Variants in TIAM1 observed in about 807,000 individuals in gnomAD.
TIAM1 encodes rho guanine nucleotide exchange factor TIAM1.
Under a neutral mutation model 163.5 loss-of-function variants are expected in TIAM1, and 65 were observed. The observed-to-expected ratio is 0.40, with a 90% CI of 0.33 to 0.49. The LOEUF (loss-of-function observed/expected upper bound fraction) is 0.49. Among genes scored for constraint, TIAM1 ranks in the 20% least tolerant of loss-of-function variants. The probability of loss-of-function intolerance (pLI) is 0.77; values close to 1 mark genes in which losing one functional copy is unlikely to be tolerated. For missense variants in TIAM1, 1,789 were observed against 2,044.7 expected (o/e 0.87, Z 2.41); for synonymous variants, 833 against 810.1 (o/e 1.03, Z -0.48).
intron 2 of TIAM1, among the ~76,000 whole-genome samples, chr21:31,279,159 C>G (rs928026874): frequency 1.6e-4 from 25 of 151,870 alleles, no homozygotes; most frequent in South Asian, 8.3e-4. Context: ...AAAAACTATA[C>G]AGAGAGAAAG....
In TIAM1 at chr21:31,475,025, T is replaced by TTTTTTATTATTATTATTA. The variant is rs1285962494; in HGVS notation, c.-421-10991_-421-10990insTAATAATAATAATAAAAA. Among the ~76,000 whole-genome samples the TTTTTTATTATTATTATTA allele has an allele frequency of 5.9e-5, 7 of 118,714 alleles. No individual in the cohort carries two copies. In the East Asian group the frequency reaches 6.5e-4, roughly 11 times the overall value. The allele number at this position is 118,714 out of a possible 152,430, so 77.9% of individuals were successfully genotyped here. Reference sequence around the variant, plus strand: ...CATATAAGTTGCTGTGAGCTAGTTTTTTATTATTATTATTATTATTATTAT... The same window carrying TTTTTTATTATTATTATTA: ...CATATAAGTTGCTGTGAGCTAGTTTTTTTTTATTATTATTATTATTATTATTATTATTATTATTATTAT... On this transcript the variant is annotated intron_variant, in intron 1 of 28. Transcript: ENST00000286827.
In TIAM1 at chr21:31,225,955, A is replaced by G; in HGVS notation, c.1585-5T>C. On this transcript the variant is annotated splice_polypyrimidine_tract_variant and splice_region_variant and intron_variant, in intron 6 of 27. Transcript: ENST00000541036. The stretch of plus-strand genomic sequence containing the variant: ...AAGCTCCGTCTGGCTAGTGGTCTGT[A>G]CCAGGAAGAAGGGGCAGGAAGAAAA... The G allele has an allele frequency of 1.9e-6, 3 of 1,611,840 alleles. No homozygotes were observed. The highest frequency in any genetic ancestry group is 2.5e-6 in the Non-Finnish European group (3 of 1,178,370).
At chr21:31,210,680 AAAGAAAAAGAAAGAAAGAAAG>A (rs1452008756) in intron 10 of TIAM1, among the ~76,000 whole-genome samples, 9 of 91,094 alleles carry the variant, frequency 9.9e-5, no homozygotes, top group South Asian at 3.9e-4. Flanking sequence ...AGAAAGAAAG[AAAGAAAAAGAAAGAAAGAAAG>A]AAAGAGAAAG....
At chr21:31,135,912 A>C (rs1178693278) in intron 23 of TIAM1, 21 bp downstream of exon 23, 4 of 1,609,134 alleles carry the variant, frequency 2.5e-6, no homozygotes, top group Non-Finnish European at 3.4e-6. Flanking sequence ...CCCCTCCATA[A>C]AACGCTTTTC....
chr21:31,329,083 C>G (rs2075590630), intron 2 of TIAM1, among the ~76,000 whole-genome samples: 2 of 152,174 alleles, frequency 1.3e-5, no homozygotes, highest in Non-Finnish European at 2.9e-5. Context: ...AATGCTATGC[C>G]ATTTTCCAAA....
chr21:31,523,834 C>T (rs1283908606), intron 1 of TIAM1, among the ~76,000 whole-genome samples: 2 of 151,594 alleles, frequency 1.3e-5, no homozygotes, highest in Non-Finnish European at 2.9e-5. Flanking sequence ...ACAAGAATCA[C>T]TTGAACCCGG....
chr21:31,274,290 A>G (rs1355040946), intron 3 of TIAM1, among the ~76,000 whole-genome samples: 3 of 152,184 alleles, frequency 2.0e-5, no homozygotes, highest in African/African-American at 7.2e-5. Flanking sequence ...CCCAAGATAC[A>G]GCACGTACCT....
intron 12 of TIAM1, among the ~76,000 whole-genome samples, chr21:31,202,242 T>C (rs1475559478): frequency 6.6e-6 from 1 of 152,048 alleles, no homozygotes; most frequent in East Asian, 1.9e-4. Flanking sequence ...CCAGCTGATT[T>C]TTAAGTCACC....
intron 2 of TIAM1, among the ~76,000 whole-genome samples, chr21:31,427,739 C>T (rs986060498): frequency 6.6e-6 from 1 of 151,874 alleles, no homozygotes; most frequent in African/African-American, 2.4e-5. Flanking sequence ...GAGGCTGAGG[C>T]GGGAGGATTG....
chr21:31,245,609 T>C lies in TIAM1; in HGVS notation c.1463A>G (p.Asn488Ser). ...ESDGRSGIDH[N>S]SIPKHAVWVE... Reference sequence around the variant, plus strand: ...CCAGACGGCGTGTTTGGGGATGCTGTTGTGGTCTATCCCAGACCTGCCGTC... The same window carrying C: ...CCAGACGGCGTGTTTGGGGATGCTGCTGTGGTCTATCCCAGACCTGCCGTC... The change falls in exon 6 of 28, where the codon AAC becomes AGC. Residue 488 changes from asparagine to serine, a missense_variant. By Grantham distance (46) the Asn-to-Ser change is conservative. Coordinates refer to ENST00000541036, the MANE Select transcript of TIAM1 (RefSeq NM_001353694.2). 6.2e-7 allele frequency: 1 copy of C among 1,605,962 alleles called. No individual in the cohort carries two copies.
intron 1 of TIAM1, among the ~76,000 whole-genome samples, chr21:31,518,921 C>CAAAT (rs2047472970): frequency 6.6e-6 from 1 of 152,154 alleles, no homozygotes; most frequent in Non-Finnish European, 1.5e-5. Context: ...AAATAAAAGA[C>CAAAT]AAATGGCTCA....
At chr21:31,250,022 T>C (rs2071705342) in intron 5 of TIAM1, among the ~76,000 whole-genome samples, 1 of 151,922 alleles carries the variant, frequency 6.6e-6, no homozygotes. Flanking sequence ...GGCACATGCC[T>C]GTAGTCCCAG....
intron 1 of TIAM1, among the ~76,000 whole-genome samples, chr21:31,555,761 G>A (rs545615499): frequency 6.4e-4 from 98 of 152,288 alleles, no homozygotes; most frequent in Non-Finnish European, 1.1e-3. Flanking sequence ...CTCACAAAAC[G>A]TGTTTCTCCT....
At chr21:31,154,543 C>T (rs1247289505) in intron 16 of TIAM1, 117 bp from the exon 17 acceptor site, 6 of 1,061,514 alleles carry the variant, frequency 5.7e-6, no homozygotes, top group East Asian at 4.9e-5. Flanking sequence ...ATATGAATGT[C>T]GTCTTGTGTT....
intron 22 of TIAM1, among the ~76,000 whole-genome samples, chr21:31,137,051 TA>T (rs1302129648): frequency 1.3e-5 from 2 of 152,262 alleles, no homozygotes; most frequent in East Asian, 3.8e-4. Context: ...CAGAGCCATC[TA>T]GACACGATGA....
intron 1 of TIAM1, among the ~76,000 whole-genome samples, chr21:31,546,348 G>A (rs529605241): frequency 3.3e-5 from 5 of 152,036 alleles, no homozygotes; most frequent in African/African-American, 9.6e-5. Context: ...TCAGGAGTTC[G>A]AGACCAGCCT....
At chr21:31,189,235 G>C (rs933002986) in intron 13 of TIAM1, among the ~76,000 whole-genome samples, 32 of 150,894 alleles carry the variant, frequency 2.1e-4, no homozygotes, top group Admixed American at 1.9e-3. Flanking sequence ...TTCTAATTTT[G>C]GTAGAGATGG....
chr21:31,511,099 C>T (rs570210039), intron 1 of TIAM1, among the ~76,000 whole-genome samples: 1 of 152,340 alleles, frequency 6.6e-6, no homozygotes, highest in South Asian at 2.1e-4. Context: ...GGATTCTACA[C>T]AGCATCACAG....
chr21:31,243,097 C>T (rs2146708621), intron 6 of TIAM1, among the ~76,000 whole-genome samples: 1 of 147,196 alleles, frequency 6.8e-6, no homozygotes, highest in Non-Finnish European at 1.5e-5. Flanking sequence ...GAGGCTGAGG[C>T]AGGAGAATTG....
Sources: allele counts gnomAD v4.1 joint callset (sites outside exome capture counted in the v4.1 genomes callset), GRCh38; gene constraint gnomAD v4.1.1; transcripts MANE v1.5; gene names NCBI Gene and HGNC (gene_info 2026-07-23, HGNC 2026-07-21).